ZFHX3: variants seen among roughly 807,000 people sequenced by gnomAD.
The protein encoded by ZFHX3 is zinc finger homeobox protein 3.
In ZFHX3, 42 loss-of-function variants were observed where a neutral mutation model predicts 279.1. The observed-to-expected ratio is 0.15, with a 90% CI of 0.12 to 0.19. The LOEUF (loss-of-function observed/expected upper bound fraction) is 0.19, where lower values mean the gene tolerates loss of function less well. Ranked by LOEUF, ZFHX3 falls within the 10% of genes least tolerant of loss-of-function variation. The pLI, the probability that ZFHX3 is intolerant of heterozygous loss-of-function variation, is 1.00. For synonymous variants in ZFHX3, 2,293 were observed against 1,957.8 expected (o/e 1.17, Z -4.52); for missense variants, 4,981 against 4,754.0 (o/e 1.05, Z -1.40).
chr16:73,648,741 A>G (rs2052643842), intron 2 of ZFHX3, among the ~76,000 whole-genome samples: 1 of 152,054 alleles, frequency 6.6e-6, no homozygotes, highest in Non-Finnish European at 1.5e-5. Context: ...TAATATTATA[A>G]TTTGCTTTGC....
Position 72,785,716 on chromosome 16 carries a change from AAAAGT to A in ZFHX3, c.*1443_*1447del, listed in dbSNP as rs1453130172. ...TAACCAAAAACTTTTTTTAGAAAAG[AAAAGT>A]ACACAGCCAATTACACAAATGGAAA... On this transcript the variant is annotated 3_prime_UTR_variant, in exon 10 of 10. Coordinates refer to ENST00000268489, the MANE Select transcript of ZFHX3 (RefSeq NM_006885.4). 1 of 152,166 alleles carries A rather than the reference AAAAGT, an allele frequency of 6.6e-6. No homozygotes were observed. The highest frequency in any genetic ancestry group is 2.4e-5 in the African/African-American group (1 of 41,448). The allele number at this position is 152,166 out of a possible 1,614,324, so 9.4% of individuals were successfully genotyped here. A position where few individuals can be genotyped will look rare whatever the true frequency, so the allele number is the denominator to read the frequency against.
At chr16:73,147,440 C>T (rs1459834413) in intron 5 of ZFHX3, among the ~76,000 whole-genome samples, 1 of 151,974 alleles carries the variant, frequency 6.6e-6, no homozygotes, top group Non-Finnish European at 1.5e-5. Flanking sequence ...CGCCTGTAAT[C>T]CCAGCACTTT....
intron 1 of ZFHX3, among the ~76,000 whole-genome samples, chr16:72,977,435 G>C (rs1273251700): frequency 6.6e-6 from 1 of 152,144 alleles, no homozygotes; most frequent in Non-Finnish European, 1.5e-5. Flanking sequence ...TGCATTATGG[G>C]GAATGCTGCA....
intron 2 of ZFHX3, among the ~76,000 whole-genome samples, chr16:73,597,140 T>C (rs902999451): frequency 1.3e-4 from 20 of 152,192 alleles, no homozygotes; most frequent in African/African-American, 4.8e-4. Flanking sequence ...TGGCTCAGGT[T>C]CTTTTCCAAA....
At chr16:72,864,678 G>A (rs2037969631) in intron 4 of ZFHX3, among the ~76,000 whole-genome samples, 1 of 152,198 alleles carries the variant, frequency 6.6e-6, no homozygotes, top group Non-Finnish European at 1.5e-5. Flanking sequence ...CTCACTGCAT[G>A]GCCACCCATG....
rs969576615 is a variant in ZFHX3 at position 73,730,676 on chromosome 16, A to C, written c.-1607-50436T>G. ...AAGAACTTAAGCCTCGTTTATGCTA[A>C]TGAAGTCCTTTATTGGTCCAACAGG... On this transcript the variant is annotated intron_variant, in intron 1 of 17. Coordinates refer to the ZFHX3 transcript ENST00000641206. Among the ~76,000 whole-genome samples the C allele has an allele frequency of 2.6e-5, 4 of 152,336 alleles. No homozygotes were observed. In the East Asian group the frequency reaches 7.7e-4, roughly 29 times the overall value.
chr16:72,798,046 T>C lies in ZFHX3; in HGVS notation c.4636A>G (p.Lys1546Glu). ...AAAGATTCCTTGCAGACGGTACACT[T>C]GTAAGGGCGAGAAGGGTCTAGGAAC... ...EKFLDPSRPY[K>E]CTVCKESFTQ... The change falls in exon 9 of 10, where the codon AAG becomes GAG. Residue 1546 changes from lysine (K) to glutamate (E), a missense_variant. Around this residue, in one of 7 missense-constraint regions of ZFHX3, gnomAD observed 1,751 missense variants for 1,770.0 expected, o/e 0.99. Transcript: ENST00000268489. 6.2e-7 allele frequency: 1 copy of C among 1,614,190 alleles called. No homozygotes were observed. The highest frequency in any genetic ancestry group is 1.1e-5 in the South Asian group (1 of 91,082).
At chr16:73,085,954 G>C (rs142899351) in intron 8 of ZFHX3, among the ~76,000 whole-genome samples, 1 of 49,630 alleles carries the variant, frequency 2.0e-5, no homozygotes, top group African/African-American at 7.9e-5. Flanking sequence ...TCAGTAACCA[G>C]AATATATAAG....
At chr16:73,417,058 C>T (rs941245270) in intron 3 of ZFHX3, among the ~76,000 whole-genome samples, 1 of 152,026 alleles carries the variant, frequency 6.6e-6, no homozygotes, top group Non-Finnish European at 1.5e-5. Flanking sequence ...TCACGCACCC[C>T]GCATATAATA....
intron 4 of ZFHX3, among the ~76,000 whole-genome samples, chr16:72,887,398 A>G (rs1275671406): frequency 6.6e-6 from 1 of 152,234 alleles, no homozygotes; most frequent in African/African-American, 2.4e-5. Context: ...ATAAAACTCT[A>G]CATGGCTCAG....
chr16:73,077,185 C>T (rs1451978549), intron 8 of ZFHX3, among the ~76,000 whole-genome samples: 1 of 152,136 alleles, frequency 6.6e-6, no homozygotes, highest in Non-Finnish European at 1.5e-5. Context: ...GGAGCAGGTT[C>T]AAGCATCTTG....
intron 3 of ZFHX3, among the ~76,000 whole-genome samples, chr16:73,352,912 G>A (rs80288944): frequency 9.2e-4 from 140 of 152,264 alleles, no homozygotes; most frequent in African/African-American, 3.2e-3. Context: ...AAACTGGCTT[G>A]GTTCAGGGCT....
At chr16:73,398,979 C>A (rs2017188988) in intron 3 of ZFHX3, among the ~76,000 whole-genome samples, 1 of 151,988 alleles carries the variant, frequency 6.6e-6, no homozygotes, top group South Asian at 2.1e-4. Context: ...ATTCTCCTGT[C>A]TCAGCCTCCC....
chr16:73,841,617 C>T (rs1433638635), intron 1 of ZFHX3, among the ~76,000 whole-genome samples: 4 of 152,142 alleles, frequency 2.6e-5, no homozygotes, highest in African/African-American at 9.7e-5. Flanking sequence ...GCACGGACCA[C>T]TATCTCCTCC....
rs2143438460 is a variant in ZFHX3, at chr16:72,796,726, C to T, written c.5956G>A (p.Asp1986Asn). Residue 1986 changes from aspartate to asparagine, a missense_variant, in exon 9 of 10, where the codon GAC (aspartate) becomes AAC (asparagine). Around this residue, in one of 7 missense-constraint regions of ZFHX3, gnomAD observed 1,751 missense variants for 1,770.0 expected, o/e 0.99. Transcript: ENST00000268489. ...TTGGAAAACAACTTGCCGCAGGAGT[C>T]ACACTCGAGCTTTTCCAGGTTCTCT... is the stretch of plus-strand genomic sequence containing the variant. ...QGENLEKLEC[D>N]SCGKLFSNIL... 1 of 1,613,890 alleles carries T rather than the reference C, an allele frequency of 6.2e-7. No individual in the cohort carries two copies. The highest frequency in any genetic ancestry group is 1.7e-5 in the Admixed American group (1 of 59,998).
chr16:72,880,904 A>C (rs1449374747), intron 4 of ZFHX3, among the ~76,000 whole-genome samples: 2 of 152,238 alleles, frequency 1.3e-5, no homozygotes, highest in African/African-American at 2.4e-5. Flanking sequence ...ATAAGACATA[A>C]GTAGCAAAAA....
At chr16:73,366,367 G>A (rs1424750205) in intron 3 of ZFHX3, among the ~76,000 whole-genome samples, 1 of 151,974 alleles carries the variant, frequency 6.6e-6, no homozygotes, top group African/African-American at 2.4e-5. Context: ...TAATACAGTG[G>A]GGGAAAACTA....
chr16:72,835,271 T>C (rs2037161376), intron 4 of ZFHX3, among the ~76,000 whole-genome samples: 1 of 152,202 alleles, frequency 6.6e-6, no homozygotes, highest in Admixed American at 6.5e-5. Flanking sequence ...TAGCAGTGGC[T>C]TGGAAAATGC....
chr16:73,488,437 C>T (rs1265264451), intron 2 of ZFHX3, among the ~76,000 whole-genome samples: 1 of 152,112 alleles, frequency 6.6e-6, no homozygotes, highest in Non-Finnish European at 1.5e-5. Context: ...GACCTCATGG[C>T]CCAATGGCAG....
Sources: allele counts gnomAD v4.1 joint callset (sites outside exome capture counted in the v4.1 genomes callset), GRCh38; gene constraint gnomAD v4.1.1; regional missense constraint gnomAD v4.1.1; transcripts MANE v1.5; gene names NCBI Gene and HGNC (gene_info 2026-07-23, HGNC 2026-07-21).